The following SENP6 variants were observed in gnomAD, a reference collection of about 807,000 sequenced individuals.
SENP6 encodes sentrin-specific protease 6.
SENP6 carries 41 observed loss-of-function variants against 134.5 expected under a neutral mutation model. The observed-to-expected ratio is 0.30, with a 90% CI of 0.24 to 0.40. The LOEUF is 0.40. Among genes scored for constraint, SENP6 ranks in the 10% least tolerant of loss-of-function variants. SENP6 has a pLI of 1.00. For synonymous variants in SENP6, 395 were observed against 429.8 expected (o/e 0.92, Z 1.00); for missense variants, 1,248 against 1,312.5 (o/e 0.95, Z 0.76).
chr6:75,693,860 G>A (rs962850897), intron 16 of SENP6, among the ~76,000 whole-genome samples: 1 of 152,078 alleles, frequency 6.6e-6, no homozygotes, highest in African/African-American at 2.4e-5. Flanking sequence ...AGAAAGTTTG[G>A]ATCATAAATA....
intron 9 of SENP6, among the ~76,000 whole-genome samples, chr6:75,665,764 C>T (rs1464505109): frequency 1.3e-5 from 2 of 152,074 alleles, no homozygotes; most frequent in Admixed American, 6.6e-5. Context: ...CGGTGGCTCA[C>T]GCCTGTAATC....
intron 7 of SENP6, among the ~76,000 whole-genome samples, chr6:75,657,697 C>G (rs1456539803): frequency 6.6e-6 from 1 of 152,122 alleles, no homozygotes; most frequent in Non-Finnish European, 1.5e-5. Flanking sequence ...CTTCCCAGAG[C>G]TGGCAATACA....
At chr6:75,649,985 CTTAT>C (rs1297193607) in intron 7 of SENP6, among the ~76,000 whole-genome samples, 3 of 152,150 alleles carry the variant, frequency 2.0e-5, no homozygotes, top group African/African-American at 2.4e-5. Flanking sequence ...AGCTGTAGAA[CTTAT>C]TTAGATTTCA....
chr6:75,635,540 T>A (rs1050604327), intron 5 of SENP6, among the ~76,000 whole-genome samples: 1 of 152,160 alleles, frequency 6.6e-6, no homozygotes, highest in African/African-American at 2.4e-5. Context: ...CTTGCTATAT[T>A]TTTCTGTTTA....
intron 7 of SENP6, among the ~76,000 whole-genome samples, chr6:75,650,887 TATC>T (rs1770811113): frequency 6.6e-6 from 1 of 152,210 alleles, no homozygotes; most frequent in Non-Finnish European, 1.5e-5. Flanking sequence ...TCCTAAACGA[TATC>T]ATGGTCTTTC....
chr6:75,624,869 A>C (rs1183981314), intron 3 of SENP6, among the ~76,000 whole-genome samples: 1 of 152,176 alleles, frequency 6.6e-6, no homozygotes, highest in Non-Finnish European at 1.5e-5. Context: ...GTAGTGGCTC[A>C]CGCCTATAAT....
chr6:75,666,973 A>T (rs747204351), intron 10 of SENP6, 32 bp downstream of exon 10: 2 of 1,443,450 alleles, frequency 1.4e-6, no homozygotes, highest in African/African-American at 2.8e-5. Flanking sequence ...ATTTGTTCAG[A>T]TTAATGCCTC....
chr6:75,619,037 A>AAT (rs1768066714), intron 1 of SENP6, among the ~76,000 whole-genome samples: 1 of 132,158 alleles, frequency 7.6e-6, no homozygotes, highest in South Asian at 2.4e-4. Flanking sequence ...TTTTCCTTTT[A>AAT]AAAGCAGTTT....
chr6:75,689,172 C>T (rs959288785), intron 16 of SENP6, among the ~76,000 whole-genome samples: 13 of 152,104 alleles, frequency 8.5e-5, no homozygotes, highest in African/African-American at 1.4e-4. Context: ...TTTGAGGCTA[C>T]GGTGAGCTAT....
At chr6:75,682,177 C>T (rs187545594) in intron 16 of SENP6, among the ~76,000 whole-genome samples, 5 of 151,754 alleles carry the variant, frequency 3.3e-5, no homozygotes, top group African/African-American at 1.2e-4. Flanking sequence ...AATGATCCAC[C>T]AAGAAAACAT....
intron 3 of SENP6, among the ~76,000 whole-genome samples, chr6:75,627,324 A>C (rs1768774022): frequency 6.6e-6 from 1 of 152,142 alleles, no homozygotes; most frequent in Non-Finnish European, 1.5e-5. Flanking sequence ...TTATAAAGTT[A>C]TTCATGCTGA....
Position 75,670,693 on chromosome 6 carries a change from C to T in SENP6, c.1365C>T (p.Leu455=). The T allele has an allele frequency of 1.2e-6, 2 of 1,610,952 alleles. No homozygotes were observed. The highest frequency in any genetic ancestry group is 1.7e-6 in the Non-Finnish European group (2 of 1,178,150). The change falls in exon 11 of 24, where the codon CTC becomes CTT. Residue 455 remains leucine, a synonymous_variant. Transcript: ENST00000447266. ...LNCRSIRVGT[L]FRLLIEPVIF... is the part of the protein sequence containing the mutation. The stretch of plus-strand genomic sequence containing the variant: ...GTCGAAGTATACGAGTAGGAACACT[C>T]TTCCGGCTGTTAATAGAGCCTGTAA...
At chr6:75,610,933 C>T (rs999084810) in intron 1 of SENP6, 1 of 152,138 alleles carries the variant, frequency 6.6e-6, no homozygotes, top group Non-Finnish European at 1.5e-5. Context: ...AAAAAAATAA[C>T]AAACAGTGCT....
At chr6:75,612,651 A>G (rs1767543152) in intron 1 of SENP6, among the ~76,000 whole-genome samples, 1 of 152,222 alleles carries the variant, frequency 6.6e-6, no homozygotes, top group Non-Finnish European at 1.5e-5. Context: ...AAATTAAAAC[A>G]TCACTACAGT....
intron 1 of SENP6, among the ~76,000 whole-genome samples, chr6:75,604,482 T>G (rs372678397): frequency 0.011 from 1,733 of 151,590 alleles, 31 homozygotes; most frequent in African/African-American, 0.039. Flanking sequence ...AATACAAAAA[T>G]TAGCCGTGTG....
chr6:75,612,525 G>A (rs942434099), intron 1 of SENP6, among the ~76,000 whole-genome samples: 1 of 151,936 alleles, frequency 6.6e-6, no homozygotes, highest in Admixed American at 6.6e-5. Flanking sequence ...GAGACAGAGT[G>A]TCACTATGCT....
intron 1 of SENP6, among the ~76,000 whole-genome samples, chr6:75,604,824 A>G (rs922255697): frequency 1.3e-5 from 2 of 152,020 alleles, no homozygotes; most frequent in Non-Finnish European, 2.9e-5. Flanking sequence ...TGTAATCCCA[A>G]CAATTTGGGA....
At position 75,708,320 on chromosome 6, in the gene SENP6, C is replaced by G. The variant is rs542703985; in HGVS notation, c.2717-1207C>G. On this transcript the variant is annotated intron_variant, in intron 19 of 23. Coordinates refer to ENST00000447266, the MANE Select transcript of SENP6 (RefSeq NM_015571.4). Reference sequence around the variant, plus strand: ...ATTTTTTGCTTCCTTTTCATCCCATCTTGTTTATATTAATATCTTAACACC... The same window carrying G: ...ATTTTTTGCTTCCTTTTCATCCCATGTTGTTTATATTAATATCTTAACACC... 6.6e-5 allele frequency among the ~76,000 whole-genome samples: 10 copies of G among 152,302 alleles called. No homozygotes were observed. The South Asian group carries it at 2.1e-3, about 32-fold the overall frequency.
At chr6:75,655,190 A>G (rs1234903704) in intron 7 of SENP6, 3 of 152,274 alleles carry the variant, frequency 2.0e-5, no homozygotes, top group Admixed American at 2.0e-4. Context: ...AGGGATGCGC[A>G]TGGAGCGATG....
Sources: gnomAD v4.1 joint callset for allele counts (sites outside exome capture counted in the v4.1 genomes callset) on GRCh38, gnomAD v4.1.1 for gene constraint, MANE v1.5 for transcripts, NCBI Gene and HGNC (gene_info 2026-07-23, HGNC 2026-07-21) for gene names.